RIMS2: variants seen among roughly 807,000 people sequenced by gnomAD.
RIMS2 encodes regulating synaptic membrane exocytosis protein 2.
In RIMS2, 59 loss-of-function variants were observed where a neutral mutation model predicts 174.4. The ratio of observed to expected loss-of-function variants is 0.34; its 90% CI spans 0.27 to 0.42. The LOEUF (loss-of-function observed/expected upper bound fraction) is 0.42. Ranked by LOEUF, RIMS2 falls within the 10% of genes least tolerant of loss-of-function variation. The probability of loss-of-function intolerance (pLI) is 1.00; values close to 1 mark genes in which losing one functional copy is unlikely to be tolerated. For missense variants in RIMS2, 1,620 were observed against 1,666.3 expected, an observed-to-expected ratio of 0.97 and a Z score of 0.48; for synonymous variants, 606 against 572.5, an observed-to-expected ratio of 1.06 and a Z score of -0.84.
At chr8:103,870,777 A>C (rs2099107653) in intron 3 of RIMS2, among the ~76,000 whole-genome samples, 1 of 152,096 alleles carries the variant, frequency 6.6e-6, no homozygotes, top group Non-Finnish European at 1.5e-5. Context: ...TCAGGACCTC[A>C]TAATTTCCTA....
chr8:103,805,006 G>T (rs2098640565), intron 3 of RIMS2, among the ~76,000 whole-genome samples: 3 of 151,904 alleles, frequency 2.0e-5, no homozygotes, highest in African/African-American at 7.3e-5. Context: ...TGTTGCCCAG[G>T]CTAGTCTCAA....
intron 16 of RIMS2, among the ~76,000 whole-genome samples, chr8:103,980,228 A>G (rs1216204221): frequency 1.3e-5 from 2 of 152,142 alleles, no homozygotes; most frequent in African/African-American, 2.4e-5. Flanking sequence ...TTTGTCTTGC[A>G]TCTTGCATAC....
At chr8:103,728,659 T>C (rs2097552065) in intron 2 of RIMS2, among the ~76,000 whole-genome samples, 1 of 151,800 alleles carries the variant, frequency 6.6e-6, no homozygotes, top group African/African-American at 2.4e-5. Flanking sequence ...TAACCTTCTA[T>C]GCCCTTTTTA....
chr8:103,883,397 C>A (rs2099179514), intron 3 of RIMS2, among the ~76,000 whole-genome samples: 1 of 151,392 alleles, frequency 6.6e-6, no homozygotes, highest in Non-Finnish European at 1.5e-5. Context: ...AAAGTAATGA[C>A]AAAAGTGAAA....
chr8:103,911,782 A>G (rs905252770), intron 5 of RIMS2, among the ~76,000 whole-genome samples: 2 of 152,156 alleles, frequency 1.3e-5, no homozygotes, highest in African/African-American at 4.8e-5. Context: ...TTGTAGAGCT[A>G]TATAACTTCA....
intron 2 of RIMS2, among the ~76,000 whole-genome samples, chr8:103,765,403 G>A (rs1202166790): frequency 6.6e-6 from 1 of 152,040 alleles, no homozygotes; most frequent in Admixed American, 6.6e-5. Flanking sequence ...CTGTTTAGTG[G>A]GTGTAGAGTT....
At position 103,842,820 on chromosome 8, in the gene RIMS2, A is replaced by T. The variant is rs558719869; in HGVS notation, c.699-42478A>T. Among the ~76,000 whole-genome samples, 14 of 152,338 alleles carry T rather than the reference A, an allele frequency of 9.2e-5. No individual in the cohort carries two copies. The South Asian group carries it at 2.9e-3, about 32-fold the overall frequency. On this transcript the variant is annotated intron_variant, in intron 3 of 23. Coordinates refer to ENST00000504942, the Ensembl canonical transcript of RIMS2. ...AAGTGTACCATAAACTGGGTGGCTTAAACAGCAGGAATTAATTTCTCACAA... is the reference window on the plus strand; with the variant it reads ...AAGTGTACCATAAACTGGGTGGCTTTAACAGCAGGAATTAATTTCTCACAA...
chr8:103,897,773 C>T (rs1301351007), intron 4 of RIMS2, among the ~76,000 whole-genome samples: 4 of 151,658 alleles, frequency 2.6e-5, no homozygotes, highest in African/African-American at 9.8e-5. Flanking sequence ...TTGTGATTCT[C>T]CTAGTGAGAC....
At chr8:104,211,968 AG>A (rs2099107401) in intron 19 of RIMS2, among the ~76,000 whole-genome samples, 1 of 151,208 alleles carries the variant, frequency 6.6e-6, no homozygotes, top group Admixed American at 6.6e-5. Context: ...ATTGGACAAG[AG>A]GAGGCACACG....
chr8:103,524,613 A>G (rs890828691), intron 1 of RIMS2, among the ~76,000 whole-genome samples: 2 of 152,148 alleles, frequency 1.3e-5, no homozygotes, highest in Non-Finnish European at 2.9e-5. Flanking sequence ...CTATGATGCT[A>G]AGGTTGTTGG....
chr8:103,951,431 G>A (rs1475449948), intron 14 of RIMS2, among the ~76,000 whole-genome samples: 1 of 152,212 alleles, frequency 6.6e-6, no homozygotes, highest in East Asian at 1.9e-4. Context: ...CATTGGGACT[G>A]CTTGGAAGTG....
intron 1 of RIMS2, among the ~76,000 whole-genome samples, chr8:103,560,894 T>C (rs1489749334): frequency 1.3e-5 from 2 of 152,198 alleles, no homozygotes; most frequent in Admixed American, 6.5e-5. Context: ...CTAGTAGTGC[T>C]TGTAAACAGA....
chr8:103,843,625 T>C (rs887784701), intron 3 of RIMS2, among the ~76,000 whole-genome samples: 2 of 152,208 alleles, frequency 1.3e-5, no homozygotes, highest in East Asian at 3.8e-4. Context: ...TAAGTGATTA[T>C]TTCTTCTTTT....
At chr8:104,093,711 C>G in intron 19 of RIMS2, 68 bp downstream of exon 24, 1 of 1,236,030 alleles carries the variant, frequency 8.1e-7, no homozygotes, top group East Asian at 2.4e-5. Context: ...CCCGGATGAA[C>G]ATAAAATTAT....
chr8:103,533,497 T>C (rs1452113705), intron 1 of RIMS2, among the ~76,000 whole-genome samples: 2 of 151,760 alleles, frequency 1.3e-5, no homozygotes, highest in African/African-American at 4.8e-5. Flanking sequence ...GAGAAAACAT[T>C]AATTTAGTAC....
chr8:103,778,551 C>A (rs2098344509), intron 3 of RIMS2, among the ~76,000 whole-genome samples: 1 of 152,088 alleles, frequency 6.6e-6, no homozygotes, highest in Non-Finnish European at 1.5e-5. Flanking sequence ...AACATAATGA[C>A]CTCCAGTTCC....
intron 1 of RIMS2, among the ~76,000 whole-genome samples, chr8:103,659,986 C>T (rs539178245): frequency 6.9e-4 from 105 of 152,316 alleles, no homozygotes; most frequent in African/African-American, 2.4e-3. Context: ...TCTTCAGAAC[C>T]GGGGCCCAGG....
chr8:103,756,737 T>C (rs140686265), intron 2 of RIMS2, among the ~76,000 whole-genome samples: 1 of 152,280 alleles, frequency 6.6e-6, no homozygotes, highest in East Asian at 1.9e-4. Flanking sequence ...TATTTTTCTT[T>C]ATGACAGACA....
rs77228797 is a variant in RIMS2 at position 104,099,645 on chromosome 8, G to A, written c.3334+85030G>A. 1.0e-3 allele frequency among the ~76,000 whole-genome samples: 158 copies of A among 152,078 alleles called. 1 individual carries two copies. The East Asian group carries it at 0.021, about 20-fold the overall frequency. Reference sequence around the variant, plus strand: ...TTTCAGTTCAGCTTGTCAATTCAGGGGGAAAATTTCTGGGATTTTGATAGA... The same window carrying A: ...TTTCAGTTCAGCTTGTCAATTCAGGAGGAAAATTTCTGGGATTTTGATAGA... On this transcript the variant is annotated intron_variant, in intron 19 of 23. Transcript: ENST00000504942.
Sources: gnomAD v4.1 joint callset for allele counts (sites outside exome capture counted in the v4.1 genomes callset) on GRCh38, gnomAD v4.1.1 for gene constraint, MANE v1.5 for transcripts, NCBI Gene and HGNC (gene_info 2026-07-23, HGNC 2026-07-21) for gene names.